SDK2: variants seen among roughly 807,000 people sequenced by gnomAD.
The protein encoded by SDK2 is protein sidekick-2.
A neutral mutation model predicts 253.9 loss-of-function variants in SDK2; 105 were observed. The ratio of observed to expected loss-of-function variants is 0.41; its 90% CI spans 0.35 to 0.49. SDK2 has a LOEUF of 0.49. SDK2 is among the 20% of genes least tolerant of loss of function. The probability of loss-of-function intolerance (pLI) is 0.06; values close to 1 mark genes in which losing one functional copy is unlikely to be tolerated. For synonymous variants in SDK2, 1,249 were observed against 1,234.9 expected (o/e 1.01, Z -0.24); for missense variants, 2,608 against 3,003.0 (o/e 0.87, Z 3.07).
chr17:73,463,186 C>A (rs1159256083), intron 3 of SDK2, among the ~76,000 whole-genome samples: 1 of 152,194 alleles, frequency 6.6e-6, no homozygotes, highest in Non-Finnish European at 1.5e-5. Context: ...CTTGCTAATA[C>A]GCCGTGTTAT....
At chr17:73,530,188 T>A (rs140926675) in intron 1 of SDK2, among the ~76,000 whole-genome samples, 3 of 152,326 alleles carry the variant, frequency 2.0e-5, no homozygotes, top group Non-Finnish European at 4.4e-5. Context: ...TTCACACTGC[T>A]ATAAAGATAC....
chr17:73,481,962 C>A lies in SDK2; in HGVS notation c.225-9744G>T, dbSNP rs2145712521. Among the ~76,000 whole-genome samples, 1 of 152,308 alleles carries A rather than the reference C, an allele frequency of 6.6e-6. No individual in the cohort carries two copies. The highest frequency in any genetic ancestry group is 1.5e-5 in the Non-Finnish European group (1 of 68,028). ...CTTCTGCTTCTCTGCACAACCCCGA[C>A]TAATACACCGACCGTAGAATATGGG... On this transcript the variant is annotated intron_variant, in intron 2 of 44. Transcript: ENST00000392650. The surrounding 1 kb of genome is among the most constrained non-coding windows in gnomAD (Gnocchi z 4.5).
intron 2 of SDK2, among the ~76,000 whole-genome samples, chr17:73,475,620 G>A (rs1460111496): frequency 6.6e-6 from 1 of 152,222 alleles, no homozygotes; most frequent in Non-Finnish European, 1.5e-5. Context: ...GCCACAGAAT[G>A]AACACATGTT....
chr17:73,401,986 C>A lies in SDK2; in HGVS notation c.2640G>T (p.Gly880=). The A allele has an allele frequency of 6.2e-7, 1 of 1,613,268 alleles. No homozygotes were observed. ...SVLCFTTPGD[G]PRSTPQLVRT... ...GCACCAGCTGCGGGGTGCTGCGTGG[C>A]CCGTCCCCGGGGGTGGTGAAACACA... The change falls in exon 19 of 45, where the codon GGG becomes GGT. Residue 880 remains glycine, a synonymous_variant. Transcript: ENST00000392650.
At chr17:73,483,557 GTATATGTATATATATGTATGTGTATA>G (rs1412284011) in intron 2 of SDK2, among the ~76,000 whole-genome samples, 61 of 136,378 alleles carry the variant, frequency 4.5e-4, no homozygotes, top group Middle Eastern at 7.6e-3. Flanking sequence ...ATGTATATGT[GTATATGTATATATATGTATGTGTATA>G]TATATGTATA....
chr17:73,354,473 A>C (rs59552028), intron 40 of SDK2, among the ~76,000 whole-genome samples: 1 of 152,116 alleles, frequency 6.6e-6, no homozygotes, highest in South Asian at 2.1e-4. Flanking sequence ...CCCTGGCTGC[A>C]TGCTCTGGGT....
chr17:73,600,263 G>A (rs1234094134), intron 1 of SDK2, among the ~76,000 whole-genome samples: 1 of 152,222 alleles, frequency 6.6e-6, no homozygotes, highest in Non-Finnish European at 1.5e-5. Flanking sequence ...CGTGTGCTGG[G>A]CCAGAGGCCA....
chr17:73,401,321 G>A, intron 20 of SDK2, 110 bp from the exon 21 acceptor site: 1 of 1,032,198 alleles, frequency 9.7e-7, no homozygotes, highest in Non-Finnish European at 1.4e-6. Context: ...TCCACGCTGG[G>A]AGCAATGGGG....
At chr17:73,597,057 A>G (rs1358403197) in intron 1 of SDK2, among the ~76,000 whole-genome samples, 1 of 151,802 alleles carries the variant, frequency 6.6e-6, no homozygotes, top group African/African-American at 2.4e-5. Flanking sequence ...GTGCACCTGG[A>G]CTCACCTCAT....
intron 44 of SDK2, among the ~76,000 whole-genome samples, chr17:73,343,819 G>A (rs1178193669): frequency 6.6e-6 from 1 of 152,222 alleles, no homozygotes. Context: ...TGAGACCTTG[G>A]GGTCAGGCAG....
chr17:73,395,407 G>A lies in SDK2; in HGVS notation c.3355-15C>T. On this transcript the variant is annotated splice_polypyrimidine_tract_variant and intron_variant, in intron 24 of 44. Transcript: ENST00000392650. This position sits in a 1 kb window ranked among gnomAD's most constrained non-coding sequence, Gnocchi z 4.3. ...TCCGGGAGAGGCTGCAGCGGGGCAG[G>A]GGTGGCAAAGCTGCTATGAGCCAGG... The A allele has an allele frequency of 6.2e-7, 1 of 1,606,380 alleles. No individual in the cohort carries two copies. Among genetic ancestry groups the A allele is most frequent in the Non-Finnish European group, 8.5e-7 (1 of 1,173,350 alleles).
intron 18 of SDK2, among the ~76,000 whole-genome samples, chr17:73,410,354 C>G (rs999149985): frequency 1.3e-5 from 2 of 152,172 alleles, no homozygotes; most frequent in African/African-American, 4.8e-5. Context: ...AGCTCTGTCT[C>G]CCTGACTGGA....
In SDK2 at chr17:73,455,377, C is replaced by T. The variant is rs904099485; in HGVS notation, c.479+529G>A. Among the ~76,000 whole-genome samples the T allele has an allele frequency of 5.9e-5, 9 of 152,178 alleles. No homozygotes were observed. Among genetic ancestry groups the T allele is most frequent in the African/African-American group, 1.7e-4 (7 of 41,456 alleles). On this transcript the variant is annotated intron_variant, in intron 4 of 44. Coordinates refer to ENST00000392650, the MANE Select transcript of SDK2 (RefSeq NM_001144952.2). This position sits in a 1 kb window ranked among gnomAD's most constrained non-coding sequence, Gnocchi z 5.0. Reference sequence around the variant, plus strand: ...GCCAATCCCAGGGGGCACACAGAGACGGCCTTGTGAACACTCAGAGGCCTG... The same window carrying T: ...GCCAATCCCAGGGGGCACACAGAGATGGCCTTGTGAACACTCAGAGGCCTG...
At chr17:73,537,097 C>T (rs928332247) in intron 1 of SDK2, among the ~76,000 whole-genome samples, 1 of 152,122 alleles carries the variant, frequency 6.6e-6, no homozygotes, top group Admixed American at 6.5e-5. Flanking sequence ...CTCAGGATCA[C>T]GACGCATGTG....
At chr17:73,393,242 C>CAAAAAAAAAAAAAAAAAAA (rs11443969) in intron 27 of SDK2, among the ~76,000 whole-genome samples, 2 of 85,536 alleles carry the variant, frequency 2.3e-5, no homozygotes, top group Non-Finnish European at 4.4e-5. Flanking sequence ...GATACTCTAT[C>CAAAAAAAAAAAAAAAAAAA]AAAAAAAAAA....
At chr17:73,580,937 G>C (rs1599697873) in intron 1 of SDK2, among the ~76,000 whole-genome samples, 1 of 152,238 alleles carries the variant, frequency 6.6e-6, no homozygotes, top group East Asian at 1.9e-4. Flanking sequence ...CTCTCATCCA[G>C]GCTGGAGTGC....
At chr17:73,468,833 A>ATT (rs532195266) in intron 3 of SDK2, among the ~76,000 whole-genome samples, 8 of 144,050 alleles carry the variant, frequency 5.6e-5, no homozygotes, top group African/African-American at 1.3e-4. Flanking sequence ...CCTTATTTTT[A>ATT]TTTTTTTTTG....
intron 33 of SDK2, among the ~76,000 whole-genome samples, chr17:73,382,361 G>C (rs1286056785): frequency 1.3e-5 from 2 of 152,206 alleles, no homozygotes; most frequent in African/African-American, 4.8e-5. Flanking sequence ...ATCAGTCATG[G>C]AGTCCCAGGT....
chr17:73,539,361 C>G lies in SDK2; in HGVS notation c.65-31764G>C, dbSNP rs115327193. Among the ~76,000 whole-genome samples, 231 of 152,138 alleles carry G rather than the reference C, an allele frequency of 1.5e-3. 1 individual carries two copies. The highest frequency in any genetic ancestry group is 5.2e-3 in the African/African-American group (216 of 41,498). The stretch of plus-strand genomic sequence containing the variant: ...TGTGAGGGAGACAGCCTGGGAGCGC[C>G]GGGGCAGGGTCAGCGGGAAGGGAGA... On this transcript the variant is annotated intron_variant, in intron 1 of 44. Coordinates refer to ENST00000392650, the MANE Select transcript of SDK2 (RefSeq NM_001144952.2).
Sources: allele counts gnomAD v4.1 joint callset (sites outside exome capture counted in the v4.1 genomes callset), GRCh38; gene constraint gnomAD v4.1.1; non-coding constraint Gnocchi (gnomAD v3.1); transcripts MANE v1.5; gene names NCBI Gene and HGNC (gene_info 2026-07-23, HGNC 2026-07-21).